Variants in TBC1D8B observed in about 807,000 individuals in gnomAD.
TBC1D8B encodes the protein TBC1 domain family member 8B, also known as RP11-321G1.1.
Under a neutral mutation model 82.9 loss-of-function variants are expected in TBC1D8B, and 75 were observed. The ratio of observed to expected loss-of-function variants is 0.90; its 90% CI spans 0.75 to 1.10. The LOEUF (loss-of-function observed/expected upper bound fraction) is 1.10, where lower values mean the gene tolerates loss of function less well. Ranked by LOEUF, TBC1D8B falls within the 50% of genes least tolerant of loss-of-function variation. TBC1D8B has a pLI of 0.00. For missense variants in TBC1D8B, 794 were observed against 796.9 expected, an observed-to-expected ratio of 1.00 and a Z score of 0.04; for synonymous variants, 276 against 276.8, an observed-to-expected ratio of 1.00 and a Z score of 0.03.
chrX:106,842,009 A>G (rs1377304669), intron 10 of TBC1D8B, among the ~76,000 whole-genome samples: 1 of 111,694 alleles, frequency 9.0e-6, no homozygotes, highest in Non-Finnish European at 1.9e-5. Context: ...ACTATGGAAG[A>G]AGAGGAGATT....
chrX:106,809,928 C>T (rs1408517102), intron 1 of TBC1D8B, among the ~76,000 whole-genome samples: 1 of 108,598 alleles, frequency 9.2e-6, no homozygotes, highest in African/African-American at 3.4e-5. Context: ...CCAACCCTTA[C>T]GGAGTTTATC....
intron 6 of TBC1D8B, among the ~76,000 whole-genome samples, 189 bp from the exon 7 acceptor site, chrX:106,826,981 G>A (rs1471619651): frequency 9.0e-6 from 1 of 111,235 alleles, no homozygotes; most frequent in Non-Finnish European, 1.9e-5. Flanking sequence ...CCTTTTTCTT[G>A]AGAAGTGAAA....
chrX:106,854,034 T>G (rs778161973), intron 13 of TBC1D8B, among the ~76,000 whole-genome samples, 164 bp from the exon 14 acceptor site: 26 of 111,726 alleles, frequency 2.3e-4, no homozygotes, highest in African/African-American at 8.4e-4. Context: ...ATTTAAAAAC[T>G]GAAACGTGGG....
intron 7 of TBC1D8B, among the ~76,000 whole-genome samples, chrX:106,834,421 A>G (rs1353579037): frequency 2.7e-5 from 3 of 111,340 alleles, no homozygotes; most frequent in African/African-American, 9.8e-5. Flanking sequence ...TTACAATTCA[A>G]GGTGAGATTT....
intron 11 of TBC1D8B, 44 bp downstream of exon 11, chrX:106,848,347 G>A: frequency 1.1e-6 from 1 of 870,514 alleles, no homozygotes; most frequent in Non-Finnish European, 1.6e-6. Context: ...CACACACAGA[G>A]ATGTATATTT....
Position 106,827,321 on chromosome X carries a change from A to G in TBC1D8B, c.1187A>G (p.His396Arg), listed in dbSNP as rs1423734798. Residue 396 changes from histidine to arginine, a missense_variant, in exon 7 of 21, where the codon CAT becomes CGT. Transcript: ENST00000357242. The part of the protein sequence containing the change: ...LRCGAASTQY[H>R]DISTELAISS... ...TGCGGAGCAGCTTCAACTCAATATC[A>G]TGATATTAGCACAGAGGTAATTAAT... 2.5e-6 allele frequency: 3 copies of G among 1,210,714 alleles called. No individual in the cohort carries two copies. The highest frequency in any genetic ancestry group is 1.7e-5 in the African/African-American group (1 of 57,730).
rs776156225 is a variant in TBC1D8B, at chrX:106,827,206, T to A, written c.1072T>A (p.Ser358Thr). 19 of 1,209,404 alleles carry A rather than the reference T, an allele frequency of 1.6e-5. No homozygotes were observed. The East Asian group carries it at 5.6e-4, about 36-fold the overall frequency. The part of the protein sequence containing the change: ...AIDKTNDSSK[S>T]VIISIKGKTA... ...AGATAAGACAAATGATTCCAGCAAATCTGTCATCATTAGCATCAAAGGAAA... is the reference window on the plus strand; with the variant it reads ...AGATAAGACAAATGATTCCAGCAAAACTGTCATCATTAGCATCAAAGGAAA... Residue 358 changes from serine (S) to threonine (T), a missense_variant, in exon 7 of 21, where the codon TCT becomes ACT. Physicochemically the swap from Ser to Thr is moderately conservative, Grantham distance 58. Coordinates refer to ENST00000357242, the MANE Select transcript of TBC1D8B (RefSeq NM_017752.3).
chrX:106,831,569 G>A (rs750558974), intron 7 of TBC1D8B, among the ~76,000 whole-genome samples: 1 of 111,779 alleles, frequency 8.9e-6, no homozygotes, highest in Non-Finnish European at 1.9e-5. Context: ...CAGTCCACGT[G>A]TTAGCTTCAA....
intron 14 of TBC1D8B, among the ~76,000 whole-genome samples, chrX:106,856,553 T>G (rs1436791651): frequency 9.0e-6 from 1 of 111,048 alleles, no homozygotes; most frequent in African/African-American, 3.3e-5. Context: ...CCAAAATCAC[T>G]CATTTTCTAA....
At chrX:106,846,456 A>C (rs2147757813) in intron 10 of TBC1D8B, among the ~76,000 whole-genome samples, 1 of 100,058 alleles carries the variant, frequency 1.0e-5, no homozygotes, top group South Asian at 6.1e-4. Context: ...GGGGGTGGGA[A>C]TAGGGCAATT....
intron 14 of TBC1D8B, among the ~76,000 whole-genome samples, chrX:106,854,655 A>C (rs1932661220): frequency 1.8e-5 from 2 of 109,786 alleles, no homozygotes; most frequent in Non-Finnish European, 3.8e-5. Context: ...CTGGGACTAC[A>C]TGCACACACC....
rs771868265 is a variant in TBC1D8B at position 106,805,202 on chromosome X, C to T, written c.130+2219C>T. ...CTCCTGGGCTCAAGTGATCTTCCCA[C>T]CTCAGCCTCCGGAGTAGCTAGGGCT... On this transcript the variant is annotated intron_variant, in intron 1 of 20. Coordinates refer to ENST00000357242, the MANE Select transcript of TBC1D8B (RefSeq NM_017752.3). 2.6e-4 allele frequency among the ~76,000 whole-genome samples: 28 copies of T among 105,829 alleles called. No homozygotes were observed. The East Asian group carries it at 8.2e-3, about 31-fold the overall frequency. 91.9% of individuals were successfully genotyped at this position (105,829 alleles called of 115,157 possible).
intron 11 of TBC1D8B, chrX:106,849,423 T>C: frequency 9.4e-7 from 1 of 1,067,308 alleles, no homozygotes; most frequent in South Asian, 2.7e-5. Context: ...AGAAGATGAG[T>C]TTTCCTCAAA....
rs1932330954 is a variant in TBC1D8B, at chrX:106,842,477, T to A, written c.1719+1593T>A. ...GTTCACATTGGAATAAAAAAGTAAA[T>A]TTGTATGGCACAAGATCATGAAGAA... On this transcript the variant is annotated intron_variant, in intron 10 of 20. Transcript: ENST00000357242. 2.7e-5 allele frequency among the ~76,000 whole-genome samples: 3 copies of A among 110,839 alleles called. No homozygotes were observed. In the South Asian group the frequency reaches 1.2e-3, roughly 43 times the overall value.
intron 14 of TBC1D8B, among the ~76,000 whole-genome samples, chrX:106,859,432 T>A (rs1006648539): frequency 1.8e-5 from 2 of 111,797 alleles, no homozygotes; most frequent in Non-Finnish European, 3.8e-5. Flanking sequence ...ACCTCCATAG[T>A]TAGCTGTATT....
At chrX:106,812,096 C>T (rs1465177898) in intron 1 of TBC1D8B, among the ~76,000 whole-genome samples, 4 of 107,993 alleles carry the variant, frequency 3.7e-5, no homozygotes, top group South Asian at 3.8e-4. Context: ...AACTGTTTTC[C>T]GAAGCTCTTA....
At chrX:106,857,035 T>A (rs1053234655) in intron 14 of TBC1D8B, among the ~76,000 whole-genome samples, 1 of 111,814 alleles carries the variant, frequency 8.9e-6, no homozygotes, top group Non-Finnish European at 1.9e-5. Context: ...TCATTTCCAG[T>A]CTTAGAATTT....
At chrX:106,857,542 T>G (rs1932722951) in intron 14 of TBC1D8B, among the ~76,000 whole-genome samples, 1 of 111,318 alleles carries the variant, frequency 9.0e-6, no homozygotes, top group African/African-American at 3.3e-5. Context: ...CAATAGGTAG[T>G]TTTTTGATCT....
chrX:106,870,598 T>TA (rs1015679199), intron 19 of TBC1D8B, 118 bp from the exon 20 acceptor site: 9 of 450,017 alleles, frequency 2.0e-5, no homozygotes, highest in South Asian at 3.8e-5. Flanking sequence ...TTTCCTGGAT[T>TA]AAAAAAATGG....
Sources: gnomAD v4.1 joint callset for allele counts (sites outside exome capture counted in the v4.1 genomes callset) on GRCh38, gnomAD v4.1.1 for gene constraint, MANE v1.5 for transcripts, NCBI Gene and HGNC (gene_info 2026-07-23, HGNC 2026-07-21) for gene names.